Variants in CADM2 observed in about 807,000 individuals in gnomAD.
CADM2 encodes the protein cell adhesion molecule 2, also known as immunoglobulin superfamily member 4D.
CADM2 carries 12 observed loss-of-function variants against 49.8 expected under a neutral mutation model. That is an observed-to-expected ratio of 0.24 (90% CI 0.15 to 0.39). The LOEUF is 0.39. Ranked by LOEUF, CADM2 falls within the 10% of genes least tolerant of loss-of-function variation. The pLI is 1.00. For synonymous variants in CADM2, 214 were observed against 175.4 expected (o/e 1.22, Z -1.74); for missense variants, 378 against 492.3 (o/e 0.77, Z 2.20).
At chr3:85,940,681 A>G (rs1364256611) in intron 7 of CADM2, among the ~76,000 whole-genome samples, 1 of 152,092 alleles carries the variant, frequency 6.6e-6, no homozygotes, top group Non-Finnish European at 1.5e-5. Flanking sequence ...GTTATTTTCA[A>G]ATAGGATGCC....
chr3:85,400,884 A>T (rs1402852434), intron 1 of CADM2, among the ~76,000 whole-genome samples: 1 of 152,022 alleles, frequency 6.6e-6, no homozygotes, highest in Non-Finnish European at 1.5e-5. Flanking sequence ...TCAACCCCTG[A>T]CATCCTTACC....
At chr3:85,572,015 G>T (rs1403544580) in intron 1 of CADM2, among the ~76,000 whole-genome samples, 1 of 152,164 alleles carries the variant, frequency 6.6e-6, no homozygotes, top group East Asian at 1.9e-4. Flanking sequence ...ACTTCATGTG[G>T]ACCAGGCATG....
At chr3:85,757,678 A>G (rs2069187245) in intron 2 of CADM2, among the ~76,000 whole-genome samples, 1 of 152,202 alleles carries the variant, frequency 6.6e-6, no homozygotes. Flanking sequence ...GAGAAGAAAC[A>G]TAGTATTGTA....
At chr3:85,222,613 T>TCC in intron 1 of CADM2, among the ~76,000 whole-genome samples, 1 of 152,306 alleles carries the variant, frequency 6.6e-6, no homozygotes, top group Non-Finnish European at 1.5e-5. Flanking sequence ...TATCTACTTT[T>TCC]TGGAGGACTT....
At chr3:85,885,073 G>A (rs956415122) in intron 4 of CADM2, among the ~76,000 whole-genome samples, 1 of 151,886 alleles carries the variant, frequency 6.6e-6, no homozygotes, top group Non-Finnish European at 1.5e-5. Context: ...ATGAAATCAG[G>A]AAAGAAAGAA....
chr3:85,566,109 T>C (rs189763481), intron 1 of CADM2, among the ~76,000 whole-genome samples: 14 of 152,258 alleles, frequency 9.2e-5, no homozygotes, highest in Non-Finnish European at 1.6e-4. Context: ...CTGATCCAAA[T>C]ACTGCTAATA....
At chr3:85,585,126 C>T (rs940058530) in intron 1 of CADM2, among the ~76,000 whole-genome samples, 4 of 151,900 alleles carry the variant, frequency 2.6e-5, no homozygotes, top group African/African-American at 9.7e-5. Flanking sequence ...TGCTCCATGC[C>T]TCTCGGATCC....
intron 1 of CADM2, among the ~76,000 whole-genome samples, chr3:85,292,802 A>G (rs1305891528): frequency 6.6e-6 from 1 of 152,184 alleles, no homozygotes; most frequent in East Asian, 1.9e-4. Context: ...GTGTAGAGGG[A>G]AATTTATAGC....
intron 1 of CADM2, among the ~76,000 whole-genome samples, chr3:85,465,256 C>T (rs960340881): frequency 1.3e-5 from 2 of 152,104 alleles, no homozygotes; most frequent in Admixed American, 1.3e-4. Flanking sequence ...CAGATCTTGT[C>T]GCATAAGATG....
At chr3:85,777,214 T>C (rs969776475) in intron 2 of CADM2, among the ~76,000 whole-genome samples, 7 of 150,844 alleles carry the variant, frequency 4.6e-5, no homozygotes, top group Middle Eastern at 3.4e-3. Flanking sequence ...TATCTACTTG[T>C]ACAGAAAACA....
At chr3:85,316,072 G>C (rs891928954) in intron 1 of CADM2, among the ~76,000 whole-genome samples, 1 of 151,998 alleles carries the variant, frequency 6.6e-6, no homozygotes, top group African/African-American at 2.4e-5. Flanking sequence ...GTTTTTATAA[G>C]ACTGCAATTT....
intron 1 of CADM2, among the ~76,000 whole-genome samples, chr3:85,424,768 TA>T (rs2036325264): frequency 6.6e-6 from 1 of 152,240 alleles, no homozygotes; most frequent in Non-Finnish European, 1.5e-5. Flanking sequence ...TTCTAATGTT[TA>T]AAAATTATCA....
intron 1 of CADM2, among the ~76,000 whole-genome samples, chr3:85,174,644 C>T (rs987716266): frequency 2.6e-5 from 4 of 151,912 alleles, no homozygotes; most frequent in Non-Finnish European, 5.9e-5. Context: ...CTTTTAATTG[C>T]TACTTACTTA....
At chr3:85,650,458 G>A (rs983364280) in intron 1 of CADM2, among the ~76,000 whole-genome samples, 8 of 151,286 alleles carry the variant, frequency 5.3e-5, no homozygotes, top group African/African-American at 1.9e-4. Flanking sequence ...GTGTAACTAT[G>A]TGTTAGTGTG....
chr3:84,960,570 C>CCT (rs1390419620), intron 1 of CADM2: 2 of 151,692 alleles, frequency 1.3e-5, no homozygotes, highest in Non-Finnish European at 2.9e-5. Context: ...ACCTCTCCAT[C>CCT]CTCTCTCTGC....
intron 1 of CADM2, among the ~76,000 whole-genome samples, chr3:85,634,429 C>T (rs2064399509): frequency 1.3e-5 from 2 of 151,488 alleles, no homozygotes; most frequent in African/African-American, 2.4e-5. Flanking sequence ...CTTTTTGTAC[C>T]TCCTTGTAAA....
At chr3:85,352,795 A>G (rs868023715) in intron 1 of CADM2, among the ~76,000 whole-genome samples, 1 of 152,148 alleles carries the variant, frequency 6.6e-6, no homozygotes, top group African/African-American at 2.4e-5. Context: ...CTAGCTTTTC[A>G]AATGATTTTT....
intron 8 of CADM2, among the ~76,000 whole-genome samples, chr3:86,035,481 T>A (rs1478635723): frequency 6.6e-6 from 1 of 151,990 alleles, no homozygotes; most frequent in Non-Finnish European, 1.5e-5. Flanking sequence ...ACCTCCCAAA[T>A]AAAGATTAAA....
At chr3:85,990,989 C>G (rs1169603708) in intron 8 of CADM2, among the ~76,000 whole-genome samples, 1 of 152,160 alleles carries the variant, frequency 6.6e-6, no homozygotes, top group Non-Finnish European at 1.5e-5. Flanking sequence ...TGATCTCCCC[C>G]TTCCTCCCTT....
Sources: gnomAD v4.1 joint callset for allele counts (sites outside exome capture counted in the v4.1 genomes callset) on GRCh38, gnomAD v4.1.1 for gene constraint, MANE v1.5 for transcripts, NCBI Gene and HGNC (gene_info 2026-07-23, HGNC 2026-07-21) for gene names.